The following CEP128 variants were observed in gnomAD, a reference collection of about 807,000 sequenced individuals.
CEP128 encodes centrosomal protein 128, also known as centrosomal protein 128kDa.
A neutral mutation model predicts 156.7 loss-of-function variants in CEP128; 132 were observed. The observed-to-expected ratio is 0.84, with a 90% CI of 0.73 to 0.97. The LOEUF (loss-of-function observed/expected upper bound fraction) is 0.97, where lower values mean the gene tolerates loss of function less well. Among genes scored for constraint, CEP128 ranks in the 50% least tolerant of loss-of-function variants. The pLI, the probability that CEP128 is intolerant of heterozygous loss-of-function variation, is 0.00. For synonymous variants in CEP128, 469 were observed against 448.9 expected (o/e 1.04, Z -0.57); for missense variants, 1,252 against 1,281.9 (o/e 0.98, Z 0.36).
chr14:80,846,564 C>T (rs1305382276), intron 9 of CEP128, among the ~76,000 whole-genome samples: 1 of 151,980 alleles, frequency 6.6e-6, no homozygotes, highest in African/African-American at 2.4e-5. Flanking sequence ...ACACACTTTA[C>T]AAAAATACTT....
chr14:80,570,726 T>C (rs960420124), intron 20 of CEP128, among the ~76,000 whole-genome samples: 3 of 150,162 alleles, frequency 2.0e-5, no homozygotes, highest in Non-Finnish European at 3.0e-5. Flanking sequence ...TATGAGCAAA[T>C]AGACAATAAA....
chr14:80,555,174 G>A (rs942908559), intron 21 of CEP128, among the ~76,000 whole-genome samples: 1 of 151,890 alleles, frequency 6.6e-6, no homozygotes. Flanking sequence ...CCTATGAACC[G>A]ACAGGGGAAA....
At chr14:80,687,886 C>T (rs929455588) in intron 19 of CEP128, among the ~76,000 whole-genome samples, 1 of 152,034 alleles carries the variant, frequency 6.6e-6, no homozygotes, top group Non-Finnish European at 1.5e-5. Flanking sequence ...AACATAAAAA[C>T]GTATTAGATT....
At chr14:80,654,185 A>T (rs1419341802) in intron 19 of CEP128, among the ~76,000 whole-genome samples, 1 of 152,118 alleles carries the variant, frequency 6.6e-6, no homozygotes, top group African/African-American at 2.4e-5. Flanking sequence ...TGCCATGACA[A>T]ACCAGAAAGT....
chr14:80,816,609 T>C (rs191422801), intron 13 of CEP128, among the ~76,000 whole-genome samples: 1 of 152,172 alleles, frequency 6.6e-6, no homozygotes, highest in East Asian at 1.9e-4. Flanking sequence ...TCCACTACAG[T>C]TGTGCAAGAT....
chr14:80,920,251 A>G (rs991881097), intron 2 of CEP128, among the ~76,000 whole-genome samples: 1 of 152,112 alleles, frequency 6.6e-6, no homozygotes, highest in Non-Finnish European at 1.5e-5. Flanking sequence ...CTTACCAAGA[A>G]TCTCCGATCT....
chr14:80,779,783 CTTA>C (rs1375057403), intron 15 of CEP128, among the ~76,000 whole-genome samples: 2 of 152,208 alleles, frequency 1.3e-5, no homozygotes, highest in African/African-American at 2.4e-5. Flanking sequence ...TAACAACTTA[CTTA>C]TTGTTGTGGT....
intron 14 of CEP128, among the ~76,000 whole-genome samples, chr14:80,792,357 T>C (rs1486594805): frequency 6.6e-6 from 1 of 152,154 alleles, no homozygotes. Context: ...TTCTAACCAA[T>C]ACCTAGTTGA....
chr14:80,758,070 C>G (rs934565525), intron 17 of CEP128, among the ~76,000 whole-genome samples: 2 of 152,154 alleles, frequency 1.3e-5, no homozygotes, highest in African/African-American at 4.8e-5. Flanking sequence ...TATTCTTTTT[C>G]ATTCATGAAT....
intron 19 of CEP128, among the ~76,000 whole-genome samples, chr14:80,688,382 G>A (rs1290499826): frequency 6.6e-6 from 1 of 151,978 alleles, no homozygotes; most frequent in Non-Finnish European, 1.5e-5. Flanking sequence ...AAACAGCCTT[G>A]CCAACAAGTA....
rs777856025 is a variant in CEP128 at position 80,808,366 on chromosome 14, A to G, written c.1210-15256T>C. Among the ~76,000 whole-genome samples, 9 of 152,184 alleles carry G rather than the reference A, an allele frequency of 5.9e-5. No individual in the cohort carries two copies. The South Asian group carries it at 1.9e-3, about 32-fold the overall frequency. On this transcript the variant is annotated intron_variant, in intron 13 of 24. Transcript: ENST00000555265. ...CATGACTCTGCAGTACTGTTGCCATAGAAAGCAGGAGAGCCTGAGAGCTGC... is the reference window on the plus strand; with the variant it reads ...CATGACTCTGCAGTACTGTTGCCATGGAAAGCAGGAGAGCCTGAGAGCTGC...
intron 4 of CEP128, among the ~76,000 whole-genome samples, chr14:80,913,084 C>T (rs1320343068): frequency 6.6e-6 from 1 of 152,128 alleles, no homozygotes; most frequent in Non-Finnish European, 1.5e-5. Flanking sequence ...CTCTGGAGTA[C>T]ATTTTTTTCT....
At chr14:80,483,817 T>A (rs1440380665) in intron 14 of CEP128, among the ~76,000 whole-genome samples, 4 of 152,230 alleles carry the variant, frequency 2.6e-5, no homozygotes, top group Admixed American at 2.0e-4. Flanking sequence ...AAGCTATACA[T>A]AATTTAACAA....
At chr14:80,653,585 G>A (rs933007855) in intron 19 of CEP128, among the ~76,000 whole-genome samples, 7 of 152,054 alleles carry the variant, frequency 4.6e-5, no homozygotes, top group African/African-American at 1.7e-4. Flanking sequence ...AGAAGTCGAT[G>A]CTTGTCTTCA....
intron 13 of CEP128, among the ~76,000 whole-genome samples, chr14:80,799,675 T>G (rs1219204128): frequency 2.0e-5 from 3 of 152,274 alleles, no homozygotes; most frequent in South Asian, 4.1e-4. Flanking sequence ...ACGGCCGCTC[T>G]GGGAATGTCT....
Position 80,784,968 on chromosome 14 carries a change from T to C in CEP128, c.2138A>G (p.Gln713Arg), listed in dbSNP as rs149384868. 598 of 1,614,156 alleles carry C rather than the reference T, an allele frequency of 3.7e-4. 1 individual carries two copies. Among genetic ancestry groups the C allele is most frequent in the Non-Finnish European group, 4.6e-4 (544 of 1,179,984 alleles). Reference protein sequence around the residue: ...SLQSVKTKHEQNIQELMKHFK... With the variant: ...SLQSVKTKHERNIQELMKHFK... The stretch of plus-strand genomic sequence containing the variant: ...GTGCTTCATAAGCTCCTGGATATTC[T>C]GTTCGTGTTTTGTTTTCACACTCTG... Residue 713 changes from glutamine to arginine, a missense_variant, in exon 15 of 25, where the codon CAG (glutamine) becomes CGG (arginine). Coordinates refer to ENST00000555265, the MANE Select transcript of CEP128 (RefSeq NM_152446.5).
rs1265814825 is a variant in CEP128, at chr14:80,668,115, CCCA to C, written c.2806+74957_2806+74959del. Among the ~76,000 whole-genome samples, 10 of 152,138 alleles carry C rather than the reference CCCA, an allele frequency of 6.6e-5. No homozygotes were observed. In the South Asian group the frequency reaches 2.1e-3, roughly 32 times the overall value. ...TAACACACTTATTCCTTGCACAATC[CCCA>C]CAACAGTCTGTGAGGTAAATGTTTA... On this transcript the variant is annotated intron_variant, in intron 19 of 24. Transcript: ENST00000555265.
chr14:80,679,273 C>T (rs1029948624), intron 19 of CEP128, among the ~76,000 whole-genome samples: 23 of 152,134 alleles, frequency 1.5e-4, no homozygotes, highest in African/African-American at 5.1e-4. Context: ...TGACTGCCTG[C>T]GGGGTCAGGC....
At chr14:80,598,288 AC>A (rs1336938066) in intron 19 of CEP128, among the ~76,000 whole-genome samples, 2 of 152,158 alleles carry the variant, frequency 1.3e-5, no homozygotes, top group Non-Finnish European at 2.9e-5. Flanking sequence ...AGATAAATAT[AC>A]AAAAATCTAT....
Sources: gnomAD v4.1 joint callset for allele counts (sites outside exome capture counted in the v4.1 genomes callset) on GRCh38, gnomAD v4.1.1 for gene constraint, MANE v1.5 for transcripts, NCBI Gene and HGNC (gene_info 2026-07-23, HGNC 2026-07-21) for gene names.